The following ZNF100 variants were observed in gnomAD, a reference collection of about 807,000 sequenced individuals.
The protein encoded by ZNF100 is zinc finger protein 100 (Y1).
In ZNF100, 12 loss-of-function variants were observed where a neutral mutation model predicts 15.8. The observed-to-expected ratio is 0.76, with a 90% confidence interval of 0.49 to 1.23. ZNF100 has a LOEUF of 1.23. ZNF100 is among the 50% of genes most tolerant of loss of function. The pLI, the probability that ZNF100 is intolerant of heterozygous loss-of-function variation, is 0.00. For missense variants in ZNF100, 670 were observed against 635.6 expected (o/e 1.05, Z -0.58); for synonymous variants, 226 against 214.8 (o/e 1.05, Z -0.45).
At chr19:21,749,845 T>C (rs2036272930) in intron 2 of ZNF100, among the ~76,000 whole-genome samples, 1 of 152,220 alleles carries the variant, frequency 6.6e-6, no homozygotes. Flanking sequence ...ATGCCTTCTG[T>C]TGGTTTTCAG....
chr19:21,730,443 TAA>T (rs1491189323), intron 4 of ZNF100, among the ~76,000 whole-genome samples: 12 of 104,046 alleles, frequency 1.2e-4, no homozygotes, highest in Non-Finnish European at 1.5e-4. Context: ...ACTGATAACC[TAA>T]GTGTGTGTGT....
chr19:21,746,731 C>T (rs2036217407), intron 2 of ZNF100: 1 of 152,062 alleles, frequency 6.6e-6, no homozygotes, highest in Admixed American at 6.6e-5. Context: ...TAAGGAAAAA[C>T]ACAAGTAGAG....
intron 2 of ZNF100, among the ~76,000 whole-genome samples, chr19:21,764,015 T>C (rs1253761167): frequency 6.6e-6 from 1 of 152,192 alleles, no homozygotes; most frequent in Non-Finnish European, 1.5e-5. Flanking sequence ...TCCCCTTTTA[T>C]GTTAACCTTA....
intron 4 of ZNF100, among the ~76,000 whole-genome samples, chr19:21,738,248 CAAAAAAAAAAAAAAAAAAAAAAAAAA>C (rs769582572): frequency 1.4e-4 from 6 of 42,964 alleles, no homozygotes; most frequent in Admixed American, 4.2e-4. Flanking sequence ...GACACTATGT[CAAAAAAAAAAAAAAAAAAAAAAAAAA>C]AAAAAAAAAA....
chr19:21,743,676 T>C (rs1477381111), intron 4 of ZNF100, among the ~76,000 whole-genome samples: 1 of 152,026 alleles, frequency 6.6e-6, no homozygotes. Flanking sequence ...CCCAAAATTA[T>C]GCAGATATCT....
chr19:21,737,214 G>A (rs370473204), intron 4 of ZNF100, among the ~76,000 whole-genome samples: 1 of 152,010 alleles, frequency 6.6e-6, no homozygotes, highest in East Asian at 1.9e-4. Flanking sequence ...GCAGATATCA[G>A]CACTGACCCT....
intron 4 of ZNF100, among the ~76,000 whole-genome samples, chr19:21,728,962 A>G (rs1305080480): frequency 6.6e-6 from 1 of 152,050 alleles, no homozygotes; most frequent in Admixed American, 6.6e-5. Flanking sequence ...TAAATATAAA[A>G]AAGAATAGCT....
chr19:21,746,755 C>CA (rs1435799854), intron 2 of ZNF100: 8 of 151,842 alleles, frequency 5.3e-5, no homozygotes, highest in Non-Finnish European at 8.8e-5. Flanking sequence ...TAAAGGTTTG[C>CA]AAATACTAAA....
intron 2 of ZNF100, among the ~76,000 whole-genome samples, chr19:21,755,317 GAAAAAAAGA>G (rs1455814513): frequency 1.8e-5 from 1 of 55,330 alleles, no homozygotes; most frequent in African/African-American, 4.3e-5. Context: ...CAAGAAAAAA[GAAAAAAAGA>G]AAAAAAAAAA....
chr19:21,744,355 A>C (rs930212977), intron 3 of ZNF100, among the ~76,000 whole-genome samples: 2 of 152,190 alleles, frequency 1.3e-5, no homozygotes, highest in African/African-American at 2.4e-5. Context: ...ATATGGGCAA[A>C]TATATATGTA....
rs184221241 is a variant in ZNF100 at position 21,755,734 on chromosome 19, A to G, written c.96+9960T>C. 2.1e-4 allele frequency among the ~76,000 whole-genome samples: 32 copies of G among 152,362 alleles called. 1 individual carries two copies. Among genetic ancestry groups the G allele is most frequent in the Non-Finnish European group, 1.5e-5 (1 of 68,026 alleles). ...AAAGAAAATGTGGTACATATAAGCC[A>G]TGGAATACTATGCAGCCATCAAAAG... On this transcript the variant is annotated intron_variant, in intron 2 of 4. Coordinates refer to ENST00000358296, the MANE Select transcript of ZNF100 (RefSeq NM_173531.4).
chr19:21,747,008 C>T (rs1181577621), intron 2 of ZNF100: 1 of 152,238 alleles, frequency 6.6e-6, no homozygotes, highest in East Asian at 1.9e-4. Context: ...CCACCCATAC[C>T]TCTCCCTTAT....
intron 2 of ZNF100, among the ~76,000 whole-genome samples, chr19:21,745,584 G>A (rs1474493865): frequency 2.0e-5 from 3 of 151,356 alleles, no homozygotes; most frequent in Non-Finnish European, 2.9e-5. Flanking sequence ...CTGCAGTGGC[G>A]CAATCTCGGC....
chr19:21,760,620 CAG>C (rs1239430801), intron 2 of ZNF100, among the ~76,000 whole-genome samples: 1 of 151,974 alleles, frequency 6.6e-6, no homozygotes, highest in Non-Finnish European at 1.5e-5. Context: ...CTTTGCCATC[CAG>C]ACAATCATCT....
At position 21,724,438 on chromosome 19, in the gene ZNF100, A is replaced by G. The variant is rs1458845362; in HGVS notation, c.*2245T>C. 1 of 152,218 alleles carries G rather than the reference A, an allele frequency of 6.6e-6. No individual in the cohort carries two copies. The highest frequency in any genetic ancestry group is 6.5e-5 in the Admixed American group (1 of 15,276). 9.4% of individuals were successfully genotyped at this position (152,218 alleles called of 1,614,324 possible). On this transcript the variant is annotated 3_prime_UTR_variant, in exon 5 of 5. Transcript: ENST00000358296. ...AGGCAGACAGGAAACATGCTCAAAA[A>G]ATAAATATTAGAAAACTTTAAAAAT...
In ZNF100 at chr19:21,727,437, T is replaced by A; in HGVS notation, c.875A>T (p.Glu292Val). 6 of 1,613,124 alleles carry A rather than the reference T, an allele frequency of 3.7e-6. No homozygotes were observed. The highest frequency in any genetic ancestry group is 5.1e-6 in the Non-Finnish European group (6 of 1,179,728). ...CCGGTTAAAAGCTTTCCCACATTCT[T>A]CACATCTGTATGGTTTCTCTCCAGT... ...IHTGEKPYRCEECGKAFNRSS... is the reference protein window; with the variant it reads ...IHTGEKPYRCVECGKAFNRSS... The change falls in exon 5 of 5, where the codon GAA (glutamate) becomes GTA (valine). Residue 292 changes from glutamate to valine, a missense_variant. Coordinates refer to ENST00000358296, the MANE Select transcript of ZNF100 (RefSeq NM_173531.4).
intron 2 of ZNF100, among the ~76,000 whole-genome samples, chr19:21,755,941 G>A (rs966830792): frequency 1.3e-5 from 2 of 152,124 alleles, no homozygotes; most frequent in African/African-American, 4.8e-5. Flanking sequence ...AGGGGTGAAT[G>A]GTGAGGAGAC....
chr19:21,761,054 G>A (rs926166849), intron 2 of ZNF100, among the ~76,000 whole-genome samples: 7 of 152,120 alleles, frequency 4.6e-5, no homozygotes, highest in Admixed American at 2.0e-4. Flanking sequence ...AACCGTGCCC[G>A]GCCTGAGGAA....
At chr19:21,747,184 G>A (rs1050259188) in intron 2 of ZNF100, among the ~76,000 whole-genome samples, 6 of 152,102 alleles carry the variant, frequency 3.9e-5, no homozygotes, top group African/African-American at 1.4e-4. Context: ...AAACAGAACA[G>A]GTATCGTAAC....
Sources: gnomAD v4.1 joint callset for allele counts (sites outside exome capture counted in the v4.1 genomes callset) on GRCh38, gnomAD v4.1.1 for gene constraint, MANE v1.5 for transcripts, NCBI Gene and HGNC (gene_info 2026-07-23, HGNC 2026-07-21) for gene names.